The following MACROD1 variants were observed in gnomAD, a reference collection of about 807,000 sequenced individuals.
The protein encoded by MACROD1 is ADP-ribose glycohydrolase MACROD1.
Under a neutral mutation model 41.4 loss-of-function variants are expected in MACROD1, and 31 were observed. That is an observed-to-expected ratio of 0.75 (90% CI 0.56 to 1.01). The LOEUF is 1.01. MACROD1 is among the 50% of genes least tolerant of loss of function. MACROD1 has a pLI of 0.00. For missense variants in MACROD1, 473 were observed against 460.0 expected, an observed-to-expected ratio of 1.03 and a Z score of -0.26; for synonymous variants, 252 against 203.4, an observed-to-expected ratio of 1.24 and a Z score of -2.03.
intron 3 of MACROD1, among the ~76,000 whole-genome samples, chr11:64,025,784 A>G (rs1943217191): frequency 7.1e-6 from 1 of 141,768 alleles, no homozygotes; most frequent in African/African-American, 2.7e-5. Flanking sequence ...CAATGGTGGG[A>G]TCATAGCTCA....
intron 3 of MACROD1, among the ~76,000 whole-genome samples, chr11:64,043,807 A>G (rs1943533828): frequency 2.7e-5 from 4 of 145,956 alleles, no homozygotes; most frequent in Admixed American, 2.0e-4. Context: ...TAGCCAGGAC[A>G]TGGCATCTTT....
At position 64,152,278 on chromosome 11, in the gene MACROD1, C is replaced by G; in HGVS notation, c.400+14G>C. 6.2e-7 allele frequency: 1 copy of G among 1,613,506 alleles called. No homozygotes were observed. The highest frequency in any genetic ancestry group is 8.5e-7 in the Non-Finnish European group (1 of 1,179,372). The stretch of plus-strand genomic sequence containing the variant: ...GGAGCCTGCCCACCAGGGCCTCCCC[C>G]GAGCAGGGCCTACCTTTCGCCATCT... On this transcript the variant is annotated intron_variant, in intron 2 of 10. Transcript: ENST00000255681.
In MACROD1 at chr11:64,151,304, T is replaced by A. The variant is rs1945573341; in HGVS notation, c.452A>T (p.Asn151Ile). The part of the protein sequence containing the change: ...EPRYKKDKQL[N>I]EKISLLRSDI... Reference sequence around the variant, plus strand: ...GCTGCGGAGCAGGGAGATTTTCTCATTGAGCTGCTTGTCCTTTTTATACCT... The same window carrying A: ...GCTGCGGAGCAGGGAGATTTTCTCAATGAGCTGCTTGTCCTTTTTATACCT... Residue 151 changes from asparagine (N) to isoleucine (I), a missense_variant, in exon 3 of 11, where the codon AAT (asparagine) becomes ATT (isoleucine). Asn to Ile is a moderately radical substitution (Grantham distance 149, BLOSUM62 -3). Coordinates refer to ENST00000255681, the MANE Select transcript of MACROD1 (RefSeq NM_014067.4). 6.2e-7 allele frequency: 1 copy of A among 1,613,966 alleles called. No homozygotes were observed. The highest frequency in any genetic ancestry group is 1.3e-5 in the African/African-American group (1 of 75,050).
At chr11:64,130,964 C>T (rs1945257195) in intron 3 of MACROD1, among the ~76,000 whole-genome samples, 1 of 152,242 alleles carries the variant, frequency 6.6e-6, no homozygotes, top group African/African-American at 2.4e-5. Context: ...GCCGGCCCGG[C>T]GAGGAAGCAC....
At chr11:64,055,032 A>G in intron 3 of MACROD1, among the ~76,000 whole-genome samples, 1 of 151,510 alleles carries the variant, frequency 6.6e-6, no homozygotes, top group East Asian at 1.9e-4. Flanking sequence ...TTTCTTTCCC[A>G]TGCTGACAGC....
chr11:64,037,849 C>CT (rs1449781513), intron 3 of MACROD1, among the ~76,000 whole-genome samples: 31 of 152,224 alleles, frequency 2.0e-4, no homozygotes, highest in African/African-American at 7.0e-4. Flanking sequence ...CTCCCTGTGC[C>CT]TCAGTTTCCC....
chr11:64,146,482 A>C lies in MACROD1; in HGVS notation c.517+4757T>G, dbSNP rs1323593095. Reference sequence around the variant, plus strand: ...GGCCGACACAGATGGCAGGAACCTGAGACTCTCCCGGGTGCTACCCAAGCA... The same window carrying C: ...GGCCGACACAGATGGCAGGAACCTGCGACTCTCCCGGGTGCTACCCAAGCA... On this transcript the variant is annotated intron_variant, in intron 3 of 10. Coordinates refer to ENST00000255681, the MANE Select transcript of MACROD1 (RefSeq NM_014067.4). The surrounding 1 kb of genome is among the most constrained non-coding windows in gnomAD (Gnocchi z 4.7). Among the ~76,000 whole-genome samples, 1 of 152,180 alleles carries C rather than the reference A, an allele frequency of 6.6e-6. No homozygotes were observed. Among genetic ancestry groups the C allele is most frequent in the Admixed American group, 6.5e-5 (1 of 15,286 alleles).
intron 1 of MACROD1, 44 bp downstream of exon 1, chr11:64,165,653 G>A: frequency 7.4e-7 from 1 of 1,342,592 alleles, no homozygotes; most frequent in Non-Finnish European, 9.6e-7. Context: ...GAAGCTCCAC[G>A]TGAGGCCGCC....
At chr11:64,118,367 G>T in intron 3 of MACROD1, 1 of 1,460,752 alleles carries the variant, frequency 6.8e-7, no homozygotes, top group Non-Finnish European at 9.1e-7. Context: ...CCAGCCTGCT[G>T]CAATCCAAGA....
chr11:64,043,133 G>T (rs189181188), intron 3 of MACROD1, among the ~76,000 whole-genome samples: 20 of 152,334 alleles, frequency 1.3e-4, no homozygotes, highest in Admixed American at 2.6e-4. Context: ...TGTGAAACAG[G>T]ATGATGGCAT....
At chr11:64,085,561 C>G (rs1944379020) in intron 3 of MACROD1, among the ~76,000 whole-genome samples, 1 of 152,204 alleles carries the variant, frequency 6.6e-6, no homozygotes, top group African/African-American at 2.4e-5. Context: ...AGTACGTCCC[C>G]TGCCGCCCGC....
intron 3 of MACROD1, among the ~76,000 whole-genome samples, chr11:64,065,037 A>G (rs559046932): frequency 1.3e-5 from 2 of 152,146 alleles, no homozygotes; most frequent in South Asian, 4.1e-4. Flanking sequence ...TAGGGACATG[A>G]GCAGGGGTGA....
At chr11:64,015,891 G>C (rs1943074922) in intron 3 of MACROD1, among the ~76,000 whole-genome samples, 1 of 152,222 alleles carries the variant, frequency 6.6e-6, no homozygotes, top group Non-Finnish European at 1.5e-5. Flanking sequence ...CTGGAGCGCT[G>C]CCACTGGAGC....
At chr11:64,138,214 G>A (rs1390516227) in intron 3 of MACROD1, among the ~76,000 whole-genome samples, 1 of 152,196 alleles carries the variant, frequency 6.6e-6, no homozygotes, top group African/African-American at 2.4e-5. Flanking sequence ...TCCTTGTTAG[G>A]AGGAAGAGGA....
At chr11:64,022,191 G>C (rs1458398720) in intron 3 of MACROD1, among the ~76,000 whole-genome samples, 2 of 152,018 alleles carry the variant, frequency 1.3e-5, no homozygotes, top group Non-Finnish European at 2.9e-5. Context: ...AGACAGAGGA[G>C]GGATGAACCG....
chr11:64,032,365 C>T (rs905438439), intron 3 of MACROD1, among the ~76,000 whole-genome samples: 3 of 152,180 alleles, frequency 2.0e-5, no homozygotes, highest in Admixed American at 6.5e-5. Flanking sequence ...GAAATGGAGG[C>T]ACAGCAAGGC....
intron 3 of MACROD1, among the ~76,000 whole-genome samples, chr11:64,115,651 C>T (rs1300377320): frequency 2.0e-5 from 3 of 152,240 alleles, no homozygotes; most frequent in South Asian, 4.1e-4. Flanking sequence ...GCTTCGTTCC[C>T]GCAGGTTCTG....
intron 3 of MACROD1, chr11:64,117,941 C>T (rs768000188): frequency 5.6e-6 from 9 of 1,613,684 alleles, no homozygotes; most frequent in South Asian, 2.2e-5. Context: ...GCATCATCGG[C>T]GGGGCAGTGG....
chr11:63,999,769 G>C lies in MACROD1; in HGVS notation c.665-6C>G, dbSNP rs1013338843. 5 of 1,603,614 alleles carry C rather than the reference G, an allele frequency of 3.1e-6. No individual in the cohort carries two copies. The highest frequency in any genetic ancestry group is 4.2e-6 in the Non-Finnish European group (5 of 1,178,568). On this transcript the variant is annotated splice_region_variant and splice_polypyrimidine_tract_variant and intron_variant, in intron 5 of 10. Coordinates refer to ENST00000255681, the MANE Select transcript of MACROD1 (RefSeq NM_014067.4). ...CCCCACTGTGTGGATGACGTCTACGGGGGGCGACGGGGTCAGACCGGCGGG... is the reference window on the plus strand; with the variant it reads ...CCCCACTGTGTGGATGACGTCTACGCGGGGCGACGGGGTCAGACCGGCGGG...
Sources: gnomAD v4.1 joint callset for allele counts (sites outside exome capture counted in the v4.1 genomes callset) on GRCh38, gnomAD v4.1.1 for gene constraint, Gnocchi (gnomAD v3.1) non-coding constraint, MANE v1.5 for transcripts, NCBI Gene and HGNC (gene_info 2026-07-23, HGNC 2026-07-21) for gene names.